Variants in MBOAT1 observed in about 807,000 individuals in gnomAD.
MBOAT1 encodes membrane bound glycerophospholipid O-acyltransferase 1.
Under a neutral mutation model 64.4 loss-of-function variants are expected in MBOAT1, and 67 were observed. The ratio of observed to expected loss-of-function variants is 1.04; its 90% CI spans 0.85 to 1.27. The LOEUF (loss-of-function observed/expected upper bound fraction) is 1.27. MBOAT1 is among the 50% of genes most tolerant of loss of function. The pLI is 0.00. For synonymous variants in MBOAT1, 229 were observed against 218.9 expected, an observed-to-expected ratio of 1.05 and a Z score of -0.41; for missense variants, 563 against 604.6, an observed-to-expected ratio of 0.93 and a Z score of 0.72.
chr6:20,207,487 G>C (rs569193085), intron 1 of MBOAT1, among the ~76,000 whole-genome samples: 1 of 152,188 alleles, frequency 6.6e-6, no homozygotes, highest in Admixed American at 6.5e-5. Context: ...TATTTCAGGA[G>C]ATACGATTAT....
In MBOAT1 at chr6:20,151,234, A is replaced by C; in HGVS notation, c.274T>G (p.Leu92Val). 2 of 1,613,394 alleles carry C rather than the reference A, an allele frequency of 1.2e-6. No homozygotes were observed. The highest frequency in any genetic ancestry group is 1.7e-6 in the Non-Finnish European group (2 of 1,179,540). ...GTGACCATGATTGCATAGCACATTA[A>C]CACCAGCACAAAAAGATGCACAGAG... ...WYSVHLFVLV[L>V]MCYAIMVTAS... The change falls in exon 3 of 13, where the codon TTA becomes GTA. Residue 92 changes from leucine (L) to valine (V), a missense_variant. By Grantham distance (32) the Leu-to-Val change is conservative. Transcript: ENST00000324607.
intron 3 of MBOAT1, among the ~76,000 whole-genome samples, chr6:20,146,631 T>C (rs923320027): frequency 1.3e-5 from 2 of 152,194 alleles, no homozygotes; most frequent in Admixed American, 6.5e-5. Flanking sequence ...ACTCAAAAGA[T>C]AGATTCTTCC....
At chr6:20,198,021 T>C (rs1340777639) in intron 1 of MBOAT1, among the ~76,000 whole-genome samples, 1 of 150,544 alleles carries the variant, frequency 6.6e-6, no homozygotes, top group South Asian at 2.1e-4. Context: ...AGGTCAGGAG[T>C]TTGAGACCAG....
At chr6:20,200,480 G>A (rs754392484) in intron 1 of MBOAT1, among the ~76,000 whole-genome samples, 22 of 152,262 alleles carry the variant, frequency 1.4e-4, no homozygotes, top group Admixed American at 6.5e-4. Context: ...AAGAATTCTG[G>A]ATAGTCTACT....
rs200202769 is a variant in MBOAT1, at chr6:20,109,587, C to T, written c.1361+11G>A. 80 of 1,604,346 alleles carry T rather than the reference C, an allele frequency of 5.0e-5. No homozygotes were observed. The Middle Eastern group carries it at 8.3e-4, about 17-fold the overall frequency. On this transcript the variant is annotated intron_variant, in intron 12 of 12. Transcript: ENST00000324607. ...TTTACGAGATGGCAACTGAGAACAACGGAAACTTACTTGTATAAGCTGATG... is the reference window on the plus strand; with the variant it reads ...TTTACGAGATGGCAACTGAGAACAATGGAAACTTACTTGTATAAGCTGATG...
chr6:20,188,595 T>C (rs1264368251), intron 1 of MBOAT1, among the ~76,000 whole-genome samples: 1 of 152,152 alleles, frequency 6.6e-6, no homozygotes, highest in Admixed American at 6.5e-5. Flanking sequence ...ATTTTTACAG[T>C]TGAATGCAAA....
intron 1 of MBOAT1, among the ~76,000 whole-genome samples, chr6:20,172,635 T>G (rs1762231756): frequency 1.3e-5 from 2 of 148,366 alleles, no homozygotes; most frequent in South Asian, 4.2e-4. Context: ...GTGCTTAAGG[T>G]TTTTTTTTCC....
chr6:20,197,861 C>T (rs1581464507), intron 1 of MBOAT1, among the ~76,000 whole-genome samples: 2 of 151,866 alleles, frequency 1.3e-5, no homozygotes, highest in Admixed American at 1.3e-4. Context: ...TTTGGGTTCA[C>T]ATTCCACACC....
At chr6:20,134,256 AAT>A (rs1300688068) in intron 4 of MBOAT1, among the ~76,000 whole-genome samples, 1 of 152,196 alleles carries the variant, frequency 6.6e-6, no homozygotes, top group Non-Finnish European at 1.5e-5. Flanking sequence ...AGACAAATGC[AAT>A]ACATAATACT....
At chr6:20,134,060 GCAC>G (rs1760909129) in intron 4 of MBOAT1, among the ~76,000 whole-genome samples, 2 of 152,188 alleles carry the variant, frequency 1.3e-5, no homozygotes, top group African/African-American at 4.8e-5. Context: ...TCTTAGAACT[GCAC>G]TCCAATCCAA....
chr6:20,131,301 TC>T, intron 4 of MBOAT1, 102 bp from the exon 5 acceptor site: 1 of 1,035,268 alleles, frequency 9.7e-7, no homozygotes, highest in East Asian at 2.4e-5. Context: ...GTTCCCATAA[TC>T]CCCACATGTC....
intron 4 of MBOAT1, among the ~76,000 whole-genome samples, chr6:20,138,860 A>G (rs952102114): frequency 2.6e-5 from 4 of 152,188 alleles, no homozygotes; most frequent in Admixed American, 2.0e-4. Flanking sequence ...CAAAATCAAG[A>G]TATCTGCAGG....
chr6:20,118,712 T>C (rs1325325941), intron 8 of MBOAT1, among the ~76,000 whole-genome samples, 172 bp from the exon 9 acceptor site: 2 of 148,858 alleles, frequency 1.3e-5, no homozygotes, highest in Non-Finnish European at 3.0e-5. Context: ...GAAAAACATA[T>C]TCGGCTGTTT....
chr6:20,126,548 C>A lies in MBOAT1; in HGVS notation c.683G>T (p.Gly228Val), dbSNP rs769550567. Residue 228 changes from glycine (G) to valine (V), a missense_variant, in exon 7 of 13, where the codon GGT becomes GTT. Gly to Val is a moderately radical substitution (Grantham distance 109). Transcript: ENST00000324607. ...KLLEVNWKRK[G>V]FHSLPEPSPT... ...AGAAGGTTCTGGCAAGCTGTGGAAA[C>A]CTTTTCGCTTCCAGTTCACCTCCAG... is the stretch of plus-strand genomic sequence containing the variant. 1 of 1,612,676 alleles carries A rather than the reference C, an allele frequency of 6.2e-7. No homozygotes were observed. Among genetic ancestry groups the A allele is most frequent in the Non-Finnish European group, 8.5e-7 (1 of 1,179,682 alleles).
At position 20,180,834 on chromosome 6, in the gene MBOAT1, T is replaced by G. The variant is rs562009829; in HGVS notation, c.100-28065A>C. Among the ~76,000 whole-genome samples, 137 of 152,340 alleles carry G rather than the reference T, an allele frequency of 9.0e-4. 1 individual carries two copies. Among genetic ancestry groups the G allele is most frequent in the Non-Finnish European group, 1.4e-3 (98 of 68,044 alleles). ...AAGTGCATTTAATGAAAACTTTCAT[T>G]TAATAAATGGCATCTCTTACATAAA... On this transcript the variant is annotated intron_variant, in intron 1 of 12. Transcript: ENST00000324607.
intron 1 of MBOAT1, among the ~76,000 whole-genome samples, chr6:20,194,357 C>T (rs2113760621): frequency 6.6e-6 from 1 of 152,286 alleles, no homozygotes; most frequent in East Asian, 1.9e-4. Context: ...ATCCAGGTCA[C>T]CATATTGCAT....
chr6:20,130,773 A>G (rs1760801278), intron 5 of MBOAT1, among the ~76,000 whole-genome samples: 1 of 152,204 alleles, frequency 6.6e-6, no homozygotes, highest in Non-Finnish European at 1.5e-5. Context: ...TTAATCTTTC[A>G]TTAGCTTGTG....
At chr6:20,130,462 T>C (rs1001026684) in intron 5 of MBOAT1, among the ~76,000 whole-genome samples, 1 of 152,142 alleles carries the variant, frequency 6.6e-6, no homozygotes, top group African/African-American at 2.4e-5. Flanking sequence ...CAAGCGATTC[T>C]CCTGCCTCAG....
chr6:20,181,796 C>T (rs928246620), intron 1 of MBOAT1, among the ~76,000 whole-genome samples: 1 of 152,206 alleles, frequency 6.6e-6, no homozygotes, highest in African/African-American at 2.4e-5. Context: ...TCCCAATATA[C>T]AGCACTATGA....
Sources: allele counts gnomAD v4.1 joint callset (sites outside exome capture counted in the v4.1 genomes callset), GRCh38; gene constraint gnomAD v4.1.1; transcripts MANE v1.5; gene names NCBI Gene and HGNC (gene_info 2026-07-23, HGNC 2026-07-21).